RSF1: variants seen among roughly 807,000 people sequenced by gnomAD.
RSF1 encodes HBV pX-associated protein 8.
RSF1 carries 13 observed loss-of-function variants against 145.2 expected under a neutral mutation model. The ratio of observed to expected loss-of-function variants is 0.09; its 90% CI spans 0.06 to 0.14. RSF1 has a LOEUF of 0.14. RSF1 is among the 10% of genes least tolerant of loss of function. The pLI, the probability that RSF1 is intolerant of heterozygous loss-of-function variation, is 1.00. For missense variants in RSF1, 1,517 were observed against 1,718.2 expected, an observed-to-expected ratio of 0.88 and a Z score of 2.07; for synonymous variants, 577 against 592.6, an observed-to-expected ratio of 0.97 and a Z score of 0.38.
At position 77,672,196 on chromosome 11, in the gene RSF1, A is replaced by G; in HGVS notation, c.3597T>C (p.Phe1199=). Residue 1199 remains phenylalanine (F), a synonymous_variant, in exon 15 of 16, where the codon TTT becomes TTC. Coordinates refer to ENST00000308488, the MANE Select transcript of RSF1 (RefSeq NM_016578.4). ...SDFSDDFSDD[F]VETRRRRSRR... ...TTGACCGCCTTCGCCGAGTTTCTAC[A>G]AAATCATCACTAAAATCATCACTGA... 2 of 1,608,910 alleles carry G rather than the reference A, an allele frequency of 1.2e-6. No individual in the cohort carries two copies. The highest frequency in any genetic ancestry group is 1.1e-5 in the South Asian group (1 of 89,560).
chr11:77,830,537 G>A, the RSF1 span, among the ~76,000 whole-genome samples: 1,877 of 139,602 alleles, frequency 0.013, 38 homozygotes, highest in African/African-American at 0.049. Flanking sequence ...GGAGGGCTGT[G>A]TAAAGCTCAG....
At chr11:77,749,448 A>G (rs1291640760) in intron 2 of RSF1, among the ~76,000 whole-genome samples, 2 of 152,308 alleles carry the variant, frequency 1.3e-5, no homozygotes, top group African/African-American at 4.8e-5. Flanking sequence ...ACTATCCCAG[A>G]GGCTAATGCC....
rs1438315762 is a variant in RSF1 at position 77,691,233 on chromosome 11, C to A, written c.2826G>T (p.Leu942=). 1 of 1,614,064 alleles carries A rather than the reference C, an allele frequency of 6.2e-7. No individual in the cohort carries two copies. Residue 942 remains leucine, a synonymous_variant, in exon 9 of 16, where the codon CTG becomes CTT. Transcript: ENST00000308488. Reference sequence around the variant, plus strand: ...ACTGTTCCTCTAATTTTTCACAGAGCAGTTTCTGAAGAAGCAAAATAGATA... The same window carrying A: ...ACTGTTCCTCTAATTTTTCACAGAGAAGTTTCTGAAGAAGCAAAATAGATA... The part of the protein sequence containing the change: ...EWFCPPCQHK[L]LCEKLEEQLQ...
Position 77,774,941 on chromosome 11 carries a change from T to C in RSF1, c.188-10252A>G, listed in dbSNP as rs200248792. On this transcript the variant is annotated intron_variant, in intron 1 of 15. Coordinates refer to ENST00000308488, the MANE Select transcript of RSF1 (RefSeq NM_016578.4). Reference sequence around the variant, plus strand: ...GCCACCATGCCAGTATAATTTTTTGTATTTTTAGTACAGATGAGGTTTCAC... The same window carrying C: ...GCCACCATGCCAGTATAATTTTTTGCATTTTTAGTACAGATGAGGTTTCAC... Among the ~76,000 whole-genome samples, 26 of 151,140 alleles carry C rather than the reference T, an allele frequency of 1.7e-4. No homozygotes were observed. In the East Asian group the frequency reaches 5.3e-3, roughly 31 times the overall value.
At chr11:77,778,196 GGGAA>G (rs1565177648) in intron 1 of RSF1, among the ~76,000 whole-genome samples, 1 of 31,142 alleles carries the variant, frequency 3.2e-5, no homozygotes, top group African/African-American at 1.5e-4. Context: ...GGGTGGGGGA[GGGAA>G]GGGGAGAGGA....
chr11:77,745,253 T>C (rs1040357481), intron 3 of RSF1, among the ~76,000 whole-genome samples: 11 of 152,162 alleles, frequency 7.2e-5, no homozygotes, highest in Admixed American at 2.0e-4. Context: ...CTACTGTTTT[T>C]TTCTAGTCTC....
rs1278182444 is a variant in RSF1, at chr11:77,700,916, C to G, written c.2313G>C (p.Val771=). ...KTEKEEEKTN[V]GRTLRRSPRI... ...TTGGAGATCTTCTTAAAGTACGACC[C>G]ACATTTGTTTTCTCCTCTTCCTTTT... The change falls in exon 6 of 16, where the codon GTG becomes GTC. Residue 771 remains valine, a synonymous_variant. Transcript: ENST00000308488. 6.2e-7 allele frequency: 1 copy of G among 1,613,594 alleles called. No individual in the cohort carries two copies. Among genetic ancestry groups the G allele is most frequent in the East Asian group, 2.2e-5 (1 of 44,868 alleles).
chr11:77,683,859 T>C lies in RSF1; in HGVS notation c.2956-40A>G, dbSNP rs377697928. 8.5e-5 allele frequency: 125 copies of C among 1,477,734 alleles called. 1 individual carries two copies. The African/African-American group carries it at 1.5e-3, about 18-fold the overall frequency. The allele number at this position is 1,477,734 out of a possible 1,614,324, so 91.5% of individuals were successfully genotyped here. ...TAATAAGCATAGAGGTTATTCCTTA[T>C]GCAGAACAAAGTTCCTTGGGATAAA... On this transcript the variant is annotated intron_variant, in intron 10 of 15. Transcript: ENST00000308488.
At chr11:77,781,104 C>CTTT in intron 1 of RSF1, among the ~76,000 whole-genome samples, 1 of 148,822 alleles carries the variant, frequency 6.7e-6, no homozygotes, top group African/African-American at 2.5e-5. Context: ...TTTGAATTGT[C>CTTT]TTTTTTTTTT....
chr11:77,704,699 AT>A (rs761966013), intron 5 of RSF1, among the ~76,000 whole-genome samples: 6 of 148,060 alleles, frequency 4.1e-5, no homozygotes, highest in Non-Finnish European at 7.4e-5. Flanking sequence ...CTGGTGTCAT[AT>A]TTCTTTTATT....
At chr11:77,779,555 T>C (rs1044232660) in intron 1 of RSF1, among the ~76,000 whole-genome samples, 3 of 151,948 alleles carry the variant, frequency 2.0e-5, no homozygotes, top group African/African-American at 7.3e-5. Flanking sequence ...GCTAATTTTG[T>C]AGTTTTAGTA....
At chr11:77,686,507 T>C (rs572629398) in intron 9 of RSF1, among the ~76,000 whole-genome samples, 190 of 151,690 alleles carry the variant, frequency 1.3e-3, no homozygotes, top group African/African-American at 4.3e-3. Context: ...GTATGTTAAA[T>C]TGAACTGAAC....
chr11:77,767,861 C>T (rs1252617269), intron 1 of RSF1, among the ~76,000 whole-genome samples: 3 of 152,140 alleles, frequency 2.0e-5, no homozygotes, highest in African/African-American at 7.2e-5. Context: ...TTTGATACAA[C>T]TGGTACTATT....
At chr11:77,732,663 A>G (rs1481155833) in intron 4 of RSF1, among the ~76,000 whole-genome samples, 1 of 152,210 alleles carries the variant, frequency 6.6e-6, no homozygotes, top group African/African-American at 2.4e-5. Flanking sequence ...TTTTAAAAAC[A>G]GGAGTTCCCT....
intron 11 of RSF1, among the ~76,000 whole-genome samples, chr11:77,679,841 C>T (rs1959811809): frequency 6.6e-6 from 1 of 152,022 alleles, no homozygotes; most frequent in African/African-American, 2.4e-5. Context: ...AGGATCAAGA[C>T]TAAAGGATTC....
chr11:77,689,725 C>T (rs1201098259), intron 9 of RSF1, among the ~76,000 whole-genome samples: 1 of 152,150 alleles, frequency 6.6e-6, no homozygotes, highest in Admixed American at 6.5e-5. Flanking sequence ...GATCTTTCCT[C>T]TTCAGTTTGG....
rs1235260385 is a variant in RSF1, at chr11:77,676,834, A to C, written c.3299T>G (p.Leu1100Arg). 6.2e-7 allele frequency: 1 copy of C among 1,613,944 alleles called. No homozygotes were observed. The highest frequency in any genetic ancestry group is 8.5e-7 in the Non-Finnish European group (1 of 1,179,904). Residue 1100 changes from leucine (L) to arginine (R), a missense_variant, in exon 13 of 16, where the codon CTG (leucine) becomes CGG (arginine). Around this residue, in one of 12 missense-constraint regions of RSF1, gnomAD observed 231 missense variants for 276.6 expected, o/e 0.84. Transcript: ENST00000308488. The stretch of plus-strand genomic sequence containing the variant: ...TTCATCCTCGCTCTCTTCTTCATCC[A>C]GGTTGCTATCACTGTCCAGATCATT... Reference protein sequence around the residue: ...RLNDLDSDSNLDEEESEDEFK... With the variant: ...RLNDLDSDSNRDEEESEDEFK...
At chr11:77,843,434 C>T in the RSF1 span, among the ~76,000 whole-genome samples, 1 of 152,142 alleles carries the variant, frequency 6.6e-6, no homozygotes, top group African/African-American at 2.4e-5. Flanking sequence ...AAGTCCTGCT[C>T]CTCCTGGGAA....
At chr11:77,838,189 A>G in the RSF1 span, among the ~76,000 whole-genome samples, 2 of 147,528 alleles carry the variant, frequency 1.4e-5, no homozygotes, top group Non-Finnish European at 3.0e-5. Context: ...AAGGAGACAC[A>G]TATAGGTGCC....
Sources: allele counts gnomAD v4.1 joint callset (sites outside exome capture counted in the v4.1 genomes callset), GRCh38; gene constraint gnomAD v4.1.1; regional missense constraint gnomAD v4.1.1; transcripts MANE v1.5; gene names NCBI Gene and HGNC (gene_info 2026-07-23, HGNC 2026-07-21).